Variants in GLS observed in about 807,000 individuals in gnomAD.
GLS encodes the protein glutaminase kidney isoform, mitochondrial.
Under a neutral mutation model 86.7 loss-of-function variants are expected in GLS, and 36 were observed. The ratio of observed to expected loss-of-function variants is 0.42; its 90% CI spans 0.32 to 0.55. The LOEUF (loss-of-function observed/expected upper bound fraction) is 0.55. Among genes scored for constraint, GLS ranks in the 20% least tolerant of loss-of-function variants. GLS has a pLI of 0.17. For synonymous variants in GLS, 317 were observed against 305.9 expected (o/e 1.04, Z -0.38); for missense variants, 528 against 833.4 (o/e 0.63, Z 4.51).
intron 4 of GLS, among the ~76,000 whole-genome samples, chr2:190,901,098 TG>T (rs1308433661): frequency 6.6e-6 from 1 of 152,114 alleles, no homozygotes; most frequent in Non-Finnish European, 1.5e-5. Flanking sequence ...GTTTTAACTT[TG>T]GGTAGCTTTA....
At position 190,902,000 on chromosome 2, in the gene GLS, G is replaced by A; in HGVS notation, c.789G>A (p.Val263=). Residue 263 remains valine, a synonymous_variant, in exon 5 of 18, where the codon GTG becomes GTA. Coordinates refer to ENST00000320717, the MANE Select transcript of GLS (RefSeq NM_014905.5). ...AATTCAGTCCCGATTTGTGGGGTGT[G>A]TCTGTTTGTACAGTAGATGGACAGA... ...LAKFSPDLWG[V]SVCTVDGQRH... 4 of 1,611,086 alleles carry A rather than the reference G, an allele frequency of 2.5e-6. No homozygotes were observed. Among genetic ancestry groups the A allele is most frequent in the Non-Finnish European group, 3.4e-6 (4 of 1,177,346 alleles).
At chr2:190,945,190 G>A (rs1558992252) in intron 14 of GLS, among the ~76,000 whole-genome samples, 2 of 152,170 alleles carry the variant, frequency 1.3e-5, no homozygotes, top group Non-Finnish European at 2.9e-5. Flanking sequence ...TTTAATAACA[G>A]AAATAACATT....
At position 190,901,844 on chromosome 2, in the gene GLS, G is replaced by A. The variant is rs982724693; in HGVS notation, c.736-103G>A. 1.4e-5 allele frequency: 10 copies of A among 737,884 alleles called. No individual in the cohort carries two copies. In the African/African-American group the frequency reaches 1.7e-4, roughly 13 times the overall value. The allele number at this position is 737,884 out of a possible 1,614,324, so 45.7% of individuals were successfully genotyped here. A position where few individuals can be genotyped will look rare whatever the true frequency, so the allele number is the denominator to read the frequency against. The stretch of plus-strand genomic sequence containing the variant: ...GCCACTGAGTGTTGTAGAATAACTA[G>A]TCATTGGTAGAAGGTAAAATGAGAT... On this transcript the variant is annotated intron_variant, in intron 4 of 17. Transcript: ENST00000320717.
rs1688155197 is a variant in GLS, at chr2:190,881,252, G to A, written c.168G>A (p.Pro56=). 3 of 1,274,300 alleles carry A rather than the reference G, an allele frequency of 2.4e-6. No individual in the cohort carries two copies. Among genetic ancestry groups the A allele is most frequent in the Non-Finnish European group, 3.0e-6 (3 of 1,012,326 alleles). The allele number at this position is 1,274,300 out of a possible 1,614,324, so 78.9% of individuals were successfully genotyped here. ...CGGCTGCCGCCGCGCGACTCCACCC[G>A]TGGTGGGGCGGGGGCGGCTGGCCGG... is the stretch of plus-strand genomic sequence containing the variant. ...AGPAAAARLH[P]WWGGGGWPAE... Residue 56 remains proline (P), a synonymous_variant, in exon 1 of 18, where the codon CCG becomes CCA. Coordinates refer to ENST00000320717, the MANE Select transcript of GLS (RefSeq NM_014905.5).
At chr2:190,917,793 T>C (rs1277290918) in intron 7 of GLS, among the ~76,000 whole-genome samples, 1 of 145,728 alleles carries the variant, frequency 6.9e-6, no homozygotes, top group African/African-American at 2.5e-5. Context: ...GAAAGAAATA[T>C]TTTTTTTTTT....
At chr2:190,885,151 A>G (rs932265003) in intron 1 of GLS, among the ~76,000 whole-genome samples, 5 of 152,210 alleles carry the variant, frequency 3.3e-5, no homozygotes, top group Admixed American at 2.0e-4. Context: ...AGTTATGGAC[A>G]ATGAAGGGCA....
intron 9 of GLS, among the ~76,000 whole-genome samples, chr2:190,922,347 C>T (rs775897876): frequency 8.5e-4 from 129 of 152,204 alleles, no homozygotes; most frequent in Non-Finnish European, 1.7e-3. Flanking sequence ...TCTTATTTTG[C>T]ACTTCCTGCT....
intron 12 of GLS, among the ~76,000 whole-genome samples, chr2:190,929,616 C>A (rs1690033612): frequency 1.3e-5 from 2 of 151,156 alleles, no homozygotes; most frequent in African/African-American, 4.9e-5. Context: ...ATTACAGGTG[C>A]CTGCCACCAC....
Position 190,956,798 on chromosome 2 carries a change from TCTC to T in GLS, c.1853+1983_1853+1985del, listed in dbSNP as rs1348070124. Among the ~76,000 whole-genome samples, 1 of 152,186 alleles carries T rather than the reference TCTC, an allele frequency of 6.6e-6. No homozygotes were observed. Among genetic ancestry groups the T allele is most frequent in the African/African-American group, 2.4e-5 (1 of 41,432 alleles). On this transcript the variant is annotated intron_variant, in intron 17 of 17. Transcript: ENST00000320717. The surrounding 1 kb of genome is among the most constrained non-coding windows in gnomAD (Gnocchi z 4.2). ...ATTTCCTTCAGCAGTGGTTTGTAGT[TCTC>T]CTTGAAGAGGTCCTTCACATCCCTT...
intron 14 of GLS, among the ~76,000 whole-genome samples, chr2:190,936,455 T>C (rs541232271): frequency 6.6e-5 from 10 of 151,338 alleles, no homozygotes; most frequent in African/African-American, 2.4e-4. Context: ...TTGTGTACTA[T>C]GTATAAATTA....
intron 14 of GLS, among the ~76,000 whole-genome samples, chr2:190,941,123 C>A (rs1161614704): frequency 6.6e-6 from 1 of 152,024 alleles, no homozygotes; most frequent in Non-Finnish European, 1.5e-5. Flanking sequence ...TGCCAGAAAC[C>A]GTGAAGTGTT....
chr2:190,901,164 C>T (rs1346644596), intron 4 of GLS, among the ~76,000 whole-genome samples: 1 of 151,976 alleles, frequency 6.6e-6, no homozygotes, highest in Non-Finnish European at 1.5e-5. Context: ...CAAACCCACA[C>T]GCAGTCAAAA....
chr2:190,930,373 T>A lies in GLS; in HGVS notation c.1426-64T>A, dbSNP rs1286436323. The stretch of plus-strand genomic sequence containing the variant: ...GTGCCCAGCCCCAGTTTCCCTATTG[T>A]TGAACATAACATTTCTTATTTTAAA... On this transcript the variant is annotated intron_variant, in intron 12 of 17. Transcript: ENST00000320717. The surrounding 1 kb of genome is among the most constrained non-coding windows in gnomAD (Gnocchi z 5.0). The A allele has an allele frequency of 3.9e-6, 5 of 1,273,836 alleles. No homozygotes were observed. The highest frequency in any genetic ancestry group is 5.7e-6 in the Non-Finnish European group (5 of 876,320). The allele number at this position is 1,273,836 out of a possible 1,614,324, so 78.9% of individuals were successfully genotyped here.
intron 11 of GLS, among the ~76,000 whole-genome samples, chr2:190,926,286 G>A (rs1368349648): frequency 2.0e-5 from 3 of 152,192 alleles, no homozygotes; most frequent in Non-Finnish European, 2.9e-5. Context: ...ACAAATCTTT[G>A]CTATCTGGGG....
At chr2:190,894,898 A>T (rs115482401) in intron 1 of GLS, among the ~76,000 whole-genome samples, 1 of 152,316 alleles carries the variant, frequency 6.6e-6, no homozygotes, top group Admixed American at 6.5e-5. Flanking sequence ...CATTAGCACA[A>T]CTAGAGTTGA....
intron 17 of GLS, among the ~76,000 whole-genome samples, chr2:190,960,530 AATTT>A (rs1194565528): frequency 2.1e-5 from 2 of 97,236 alleles, no homozygotes; most frequent in East Asian, 4.8e-4. Context: ...ATGCCTGGCT[AATTT>A]ATTTATTTAT....
rs1323452057 is a variant in GLS at position 190,897,578 on chromosome 2, A to G, written c.605+1853A>G. Among the ~76,000 whole-genome samples the G allele has an allele frequency of 6.6e-6, 1 of 152,162 alleles. No individual in the cohort carries two copies. Among genetic ancestry groups the G allele is most frequent in the African/African-American group, 2.4e-5 (1 of 41,444 alleles). On this transcript the variant is annotated intron_variant, in intron 3 of 17. Coordinates refer to ENST00000320717, the MANE Select transcript of GLS (RefSeq NM_014905.5). The surrounding 1 kb of genome is among the most constrained non-coding windows in gnomAD (Gnocchi z 4.3). ...CTCTAGGGCATAATTATTTCTCTTT[A>G]TTCTTAGAATGAGGTGGTTCAAAAC...
chr2:190,883,585 T>G (rs772235447), intron 1 of GLS, among the ~76,000 whole-genome samples: 2 of 152,224 alleles, frequency 1.3e-5, no homozygotes, highest in Non-Finnish European at 2.9e-5. Context: ...GAGAAAACAT[T>G]GCTTCTTCAT....
At chr2:190,881,658 CA>C in intron 1 of GLS, 188 bp downstream of exon 1, 1 of 555,090 alleles carries the variant, frequency 1.8e-6, no homozygotes, top group Non-Finnish European at 3.0e-6. Flanking sequence ...TCCCCGCCCG[CA>C]ACCCTCCGCC....
Sources: gnomAD v4.1 joint callset for allele counts (sites outside exome capture counted in the v4.1 genomes callset) on GRCh38, gnomAD v4.1.1 for gene constraint, Gnocchi (gnomAD v3.1) non-coding constraint, MANE v1.5 for transcripts, NCBI Gene and HGNC (gene_info 2026-07-23, HGNC 2026-07-21) for gene names.